The following MECOM variants were observed in gnomAD, a reference collection of about 807,000 sequenced individuals.
MECOM encodes histone-lysine N-methyltransferase MECOM.
MECOM carries 13 observed loss-of-function variants against 116.3 expected under a neutral mutation model. That is an observed-to-expected ratio of 0.11 (90% CI 0.07 to 0.18). The LOEUF is 0.18. Ranked by LOEUF, MECOM falls within the 10% of genes least tolerant of loss-of-function variation. The pLI is 1.00. For synonymous variants in MECOM, 528 were observed against 535.2 expected, an observed-to-expected ratio of 0.99 and a Z score of 0.19; for missense variants, 1,299 against 1,509.0, an observed-to-expected ratio of 0.86 and a Z score of 2.31.
At chr3:169,466,450 T>C (rs1410662719) in intron 1 of MECOM, among the ~76,000 whole-genome samples, 2 of 152,084 alleles carry the variant, frequency 1.3e-5, no homozygotes, top group South Asian at 4.1e-4. Flanking sequence ...TTGGGGGCTA[T>C]TGATTTTTGG....
intron 1 of MECOM, among the ~76,000 whole-genome samples, chr3:169,631,611 CT>C (rs1353508386): frequency 9.0e-6 from 1 of 111,178 alleles, no homozygotes; most frequent in African/African-American, 3.5e-5. Flanking sequence ...TCCCTCCCCC[CT>C]CCCCCCACCC....
intron 1 of MECOM, among the ~76,000 whole-genome samples, chr3:169,514,317 G>C (rs1007039903): frequency 1.3e-5 from 2 of 151,878 alleles, no homozygotes; most frequent in Non-Finnish European, 2.9e-5. Flanking sequence ...AAAAGAGAGA[G>C]AGAGACATCG....
chr3:169,275,453 C>A (rs1041802229), intron 2 of MECOM, among the ~76,000 whole-genome samples: 2 of 152,072 alleles, frequency 1.3e-5, no homozygotes, highest in Non-Finnish European at 1.5e-5. Flanking sequence ...GGTCTCCTGC[C>A]TAGGGCGTTT....
At chr3:169,464,772 G>A (rs759791331) in intron 1 of MECOM, among the ~76,000 whole-genome samples, 13 of 152,186 alleles carry the variant, frequency 8.5e-5, no homozygotes, top group Non-Finnish European at 1.5e-4. Context: ...GAGAAGAAGA[G>A]CAACTCCACC....
At chr3:169,485,877 A>ATATATG (rs1553867543) in intron 1 of MECOM, among the ~76,000 whole-genome samples, 1 of 37,718 alleles carries the variant, frequency 2.7e-5, no homozygotes, top group East Asian at 9.2e-4. Context: ...GTATATATGT[A>ATATATG]TATATATGTA....
At chr3:169,338,353 C>T (rs1433949311) in intron 2 of MECOM, among the ~76,000 whole-genome samples, 3 of 152,218 alleles carry the variant, frequency 2.0e-5, no homozygotes, top group Non-Finnish European at 2.9e-5. Flanking sequence ...CACCCTGTAT[C>T]GTAACTGCCT....
chr3:169,360,323 A>AAG (rs1195368142), intron 2 of MECOM, among the ~76,000 whole-genome samples: 1 of 147,724 alleles, frequency 6.8e-6, no homozygotes, highest in Non-Finnish European at 1.5e-5. Context: ...TTACACCAAA[A>AAG]AAAAAAAAGA....
intron 2 of MECOM, among the ~76,000 whole-genome samples, chr3:169,306,251 G>A (rs1337071496): frequency 1.3e-5 from 2 of 152,032 alleles, no homozygotes; most frequent in Non-Finnish European, 2.9e-5. Flanking sequence ...TATATACTAA[G>A]AAAATATTAA....
At chr3:169,655,520 G>A (rs1249673211) in intron 1 of MECOM, among the ~76,000 whole-genome samples, 1 of 152,050 alleles carries the variant, frequency 6.6e-6, no homozygotes, top group Non-Finnish European at 1.5e-5. Flanking sequence ...AAAATCTGTG[G>A]GGAAAAGTTG....
chr3:169,354,920 C>A (rs569526837), intron 2 of MECOM, among the ~76,000 whole-genome samples: 2 of 151,902 alleles, frequency 1.3e-5, no homozygotes, highest in South Asian at 4.2e-4. Flanking sequence ...AGCATCCCGG[C>A]GCAATGAATT....
chr3:169,389,392 G>T (rs775318705), intron 1 of MECOM, among the ~76,000 whole-genome samples: 1 of 152,272 alleles, frequency 6.6e-6, no homozygotes, highest in African/African-American at 2.4e-5. Context: ...TTAATGTTTG[G>T]CTTATTCTGT....
intron 2 of MECOM, among the ~76,000 whole-genome samples, chr3:169,181,772 AAAC>A (rs141907938): frequency 4.0e-4 from 61 of 152,298 alleles, no homozygotes; most frequent in African/African-American, 1.3e-3. Context: ...ACATGAGAAG[AAAC>A]AACTGTATAT....
At chr3:169,456,374 AC>A (rs1476714815) in intron 1 of MECOM, among the ~76,000 whole-genome samples, 1 of 152,050 alleles carries the variant, frequency 6.6e-6, no homozygotes, top group Non-Finnish European at 1.5e-5. Context: ...TAGATTCCAG[AC>A]CCCCTAGTTG....
At chr3:169,308,251 G>A (rs1718073755) in intron 2 of MECOM, among the ~76,000 whole-genome samples, 1 of 152,156 alleles carries the variant, frequency 6.6e-6, no homozygotes, top group Admixed American at 6.5e-5. Flanking sequence ...AAGTTACTTA[G>A]AGAAGGTGCT....
At chr3:169,324,040 T>C (rs917548319) in intron 2 of MECOM, among the ~76,000 whole-genome samples, 2 of 152,184 alleles carry the variant, frequency 1.3e-5, no homozygotes, top group African/African-American at 4.8e-5. Context: ...AGGGAAGTAT[T>C]TCTTTCCTCC....
intron 1 of MECOM, among the ~76,000 whole-genome samples, chr3:169,465,466 T>G (rs1159699572): frequency 1.3e-5 from 2 of 152,176 alleles, no homozygotes; most frequent in Non-Finnish European, 2.9e-5. Flanking sequence ...AATAAAAACC[T>G]TAAAGACAGC....
chr3:169,658,349 T>C (rs554308094), intron 1 of MECOM, among the ~76,000 whole-genome samples: 30 of 152,334 alleles, frequency 2.0e-4, no homozygotes, highest in Admixed American at 1.6e-3. Flanking sequence ...CCTTGCCCTA[T>C]GAGGCTAGGA....
chr3:169,126,655 G>C (rs985927797), intron 5 of MECOM, among the ~76,000 whole-genome samples: 1 of 152,066 alleles, frequency 6.6e-6, no homozygotes, highest in African/African-American at 2.4e-5. Flanking sequence ...AATTTTCAAA[G>C]CTAGATACTT....
At chr3:169,573,512 C>T (rs1040965858) in intron 1 of MECOM, among the ~76,000 whole-genome samples, 3 of 152,180 alleles carry the variant, frequency 2.0e-5, no homozygotes, top group Admixed American at 6.5e-5. Context: ...CTGCCTGCCT[C>T]CTGGACTATC....
Sources: allele counts gnomAD v4.1 joint callset (sites outside exome capture counted in the v4.1 genomes callset), GRCh38; gene constraint gnomAD v4.1.1; transcripts MANE v1.5; gene names NCBI Gene and HGNC (gene_info 2026-07-23, HGNC 2026-07-21).